TNIK: variants seen among roughly 807,000 people sequenced by gnomAD.
The protein encoded by TNIK is TRAF2 and NCK-interacting protein kinase.
Under a neutral mutation model 191.3 loss-of-function variants are expected in TNIK, and 49 were observed. The ratio of observed to expected loss-of-function variants is 0.26; its 90% CI spans 0.20 to 0.32. The LOEUF (loss-of-function observed/expected upper bound fraction) is 0.32, where lower values mean the gene tolerates loss of function less well. Ranked by LOEUF, TNIK falls within the 10% of genes least tolerant of loss-of-function variation. The pLI is 1.00. For synonymous variants in TNIK, 594 were observed against 600.9 expected, an observed-to-expected ratio of 0.99 and a Z score of 0.17; for missense variants, 1,155 against 1,702.3, an observed-to-expected ratio of 0.68 and a Z score of 5.66.
At chr3:171,438,399 A>T (rs1726300371) in intron 1 of TNIK, among the ~76,000 whole-genome samples, 1 of 152,240 alleles carries the variant, frequency 6.6e-6, no homozygotes, top group South Asian at 2.1e-4. Context: ...TTGTATTTTC[A>T]CAACTGCATA....
intron 2 of TNIK, among the ~76,000 whole-genome samples, chr3:171,303,212 G>A (rs1158309392): frequency 6.6e-6 from 1 of 151,976 alleles, no homozygotes; most frequent in Non-Finnish European, 1.5e-5. Flanking sequence ...AAAGTAAATA[G>A]ACAGTTACTA....
chr3:171,328,384 T>C lies in TNIK; in HGVS notation c.123+41236A>G, dbSNP rs574125593. On this transcript the variant is annotated intron_variant, in intron 2 of 32. Coordinates refer to ENST00000436636, the MANE Select transcript of TNIK (RefSeq NM_015028.4). ...TTTTTGTTGCAGCAGCCCAGATGAC[T>C]GGGACACTGCAGATTCGCCTGCGTG... 7.4e-4 allele frequency among the ~76,000 whole-genome samples: 113 copies of C among 152,314 alleles called. 2 individuals carry two copies. Among genetic ancestry groups the C allele is most frequent in the South Asian group, 6.4e-3 (31 of 4,824 alleles).
At chr3:171,289,942 T>A (rs16856129) in intron 2 of TNIK, among the ~76,000 whole-genome samples, 12,750 of 150,712 alleles carry the variant, frequency 0.085, 658 homozygotes, top group South Asian at 0.16. Context: ...AAGGCCTCGG[T>A]TTAGGTCTGA....
intron 4 of TNIK, among the ~76,000 whole-genome samples, chr3:171,210,655 A>T (rs143984824): frequency 0.011 from 1,618 of 152,316 alleles, 26 homozygotes; most frequent in African/African-American, 0.037. Context: ...GCTTGGTTAG[A>T]TCCTAGATCC....
intron 2 of TNIK, among the ~76,000 whole-genome samples, chr3:171,298,641 G>C (rs890816309): frequency 1.3e-5 from 2 of 152,176 alleles, no homozygotes; most frequent in African/African-American, 4.8e-5. Context: ...CTATAGGATA[G>C]TGAAACTGCT....
intron 1 of TNIK, among the ~76,000 whole-genome samples, chr3:171,410,071 T>C (rs551786539): frequency 6.6e-6 from 1 of 152,278 alleles, no homozygotes; most frequent in African/African-American, 2.4e-5. Context: ...CAGCAATTTA[T>C]ACAGGGTTCT....
chr3:171,221,435 C>T (rs1742328844), intron 3 of TNIK, among the ~76,000 whole-genome samples: 2 of 152,156 alleles, frequency 1.3e-5, no homozygotes, highest in African/African-American at 4.8e-5. Context: ...TCTCACATAG[C>T]TGTCACTTTC....
At chr3:171,216,365 T>A (rs1741452067) in intron 3 of TNIK, among the ~76,000 whole-genome samples, 1 of 152,228 alleles carries the variant, frequency 6.6e-6, no homozygotes, top group African/African-American at 2.4e-5. Flanking sequence ...AAGAAGTTGT[T>A]CTAGTGAATA....
chr3:171,211,028 CA>C lies in TNIK; in HGVS notation c.306+87del, dbSNP rs562189956. 2,499 of 1,525,698 alleles carry C rather than the reference CA, an allele frequency of 1.6e-3. 4 individuals are homozygous for C. The highest frequency in any genetic ancestry group is 3.6e-3 in the Middle Eastern group (16 of 4,488). 94.5% of individuals were successfully genotyped at this position (1,525,698 alleles called of 1,614,324 possible). A position where few individuals can be genotyped will look rare whatever the true frequency, so the allele number is the denominator to read the frequency against. On this transcript the variant is annotated intron_variant, in intron 4 of 32. Coordinates refer to ENST00000436636, the MANE Select transcript of TNIK (RefSeq NM_015028.4). ...GCTAATGGTTAAAGAAGGAGTTAAT[CA>C]AATTTTGTCATGAGGATAGAAAAAT... is the stretch of plus-strand genomic sequence containing the variant.
chr3:171,324,248 C>T lies in TNIK; in HGVS notation c.123+45372G>A, dbSNP rs1755501958. ...GCTCTAGTAACTTCAAGGCTCTGTG[C>T]TTTTAAGGCTTGAATTCTTTTGAGT... On this transcript the variant is annotated intron_variant, in intron 2 of 32. Coordinates refer to ENST00000436636, the MANE Select transcript of TNIK (RefSeq NM_015028.4). 4.6e-5 allele frequency among the ~76,000 whole-genome samples: 7 copies of T among 152,120 alleles called. No individual in the cohort carries two copies. In the South Asian group the frequency reaches 1.5e-3, roughly 32 times the overall value.
intron 2 of TNIK, among the ~76,000 whole-genome samples, chr3:171,278,264 C>A (rs1441018911): frequency 6.6e-6 from 1 of 152,168 alleles, no homozygotes; most frequent in African/African-American, 2.4e-5. Context: ...CCTAACCTTT[C>A]AGATGACAGT....
At chr3:171,372,437 T>G (rs1716634358) in intron 1 of TNIK, among the ~76,000 whole-genome samples, 1 of 152,226 alleles carries the variant, frequency 6.6e-6, no homozygotes, top group Non-Finnish European at 1.5e-5. Context: ...TATTGGGGTA[T>G]GCCTCAGAAT....
intron 1 of TNIK, among the ~76,000 whole-genome samples, chr3:171,448,958 T>C (rs534547284): frequency 8.6e-4 from 131 of 152,216 alleles, no homozygotes; most frequent in African/African-American, 3.0e-3. Context: ...TGTGTACATA[T>C]GTTCTCATTG....
At chr3:171,288,425 G>T (rs1751286397) in intron 2 of TNIK, among the ~76,000 whole-genome samples, 1 of 152,078 alleles carries the variant, frequency 6.6e-6, no homozygotes, top group African/African-American at 2.4e-5. Context: ...AGATTTCCAA[G>T]GAATACATTG....
At chr3:171,286,711 A>G (rs562937752) in intron 2 of TNIK, among the ~76,000 whole-genome samples, 2 of 152,322 alleles carry the variant, frequency 1.3e-5, no homozygotes, top group African/African-American at 2.4e-5. Context: ...CACCTTGGAG[A>G]GCAAACAGAT....
At chr3:171,422,025 C>T (rs1723867495) in intron 1 of TNIK, among the ~76,000 whole-genome samples, 1 of 151,924 alleles carries the variant, frequency 6.6e-6, no homozygotes, top group African/African-American at 2.4e-5. Flanking sequence ...CTACCACGCC[C>T]GACCAGTTGT....
chr3:171,384,414 C>A (rs905682548), intron 1 of TNIK, among the ~76,000 whole-genome samples: 1 of 152,242 alleles, frequency 6.6e-6, no homozygotes, highest in Non-Finnish European at 1.5e-5. Flanking sequence ...CATCTGGGAA[C>A]CTTGTTACAA....
At chr3:171,244,502 A>G (rs895239129) in intron 2 of TNIK, among the ~76,000 whole-genome samples, 11 of 152,184 alleles carry the variant, frequency 7.2e-5, no homozygotes, top group African/African-American at 2.7e-4. Context: ...CTTTTCTCAA[A>G]GAGCTTAATA....
chr3:171,202,110 C>T (rs561843277), intron 4 of TNIK, among the ~76,000 whole-genome samples: 8 of 152,206 alleles, frequency 5.3e-5, no homozygotes, highest in South Asian at 2.1e-4. Context: ...AGAGTCAGTA[C>T]GATAGCATTT....
Sources: allele counts gnomAD v4.1 joint callset (sites outside exome capture counted in the v4.1 genomes callset), GRCh38; gene constraint gnomAD v4.1.1; transcripts MANE v1.5; gene names NCBI Gene and HGNC (gene_info 2026-07-23, HGNC 2026-07-21).